Variants in MAP3K5 observed in about 807,000 individuals in gnomAD.
MAP3K5 encodes ASK-1.
A neutral mutation model predicts 158.7 loss-of-function variants in MAP3K5; 56 were observed. The observed-to-expected ratio is 0.35, with a 90% CI of 0.28 to 0.44. The LOEUF (loss-of-function observed/expected upper bound fraction) is 0.44. Among genes scored for constraint, MAP3K5 ranks in the 20% least tolerant of loss-of-function variants. The pLI is 1.00. For synonymous variants in MAP3K5, 579 were observed against 601.7 expected (o/e 0.96, Z 0.55); for missense variants, 1,294 against 1,674.8 (o/e 0.77, Z 3.97).
chr6:136,658,446 C>T (rs1052327795), intron 9 of MAP3K5, among the ~76,000 whole-genome samples: 20 of 151,362 alleles, frequency 1.3e-4, no homozygotes, highest in Non-Finnish European at 2.2e-4. Context: ...TCCCAAGTAG[C>T]TGGGATTACA....
chr6:136,639,389 A>C (rs530085620), intron 13 of MAP3K5, among the ~76,000 whole-genome samples, 154 bp downstream of exon 13: 2 of 152,124 alleles, frequency 1.3e-5, no homozygotes, highest in African/African-American at 2.4e-5. Flanking sequence ...AAATCTGTTA[A>C]ATTTATGATA....
intron 1 of MAP3K5, among the ~76,000 whole-genome samples, chr6:136,765,755 C>A (rs1168895947): frequency 6.7e-6 from 1 of 149,204 alleles, no homozygotes; most frequent in African/African-American, 2.5e-5. Flanking sequence ...GTCTCGAACT[C>A]CTGACCTCAG....
At chr6:136,599,475 ATCTCTCTC>A (rs71737097) in intron 21 of MAP3K5, among the ~76,000 whole-genome samples, 74 of 142,088 alleles carry the variant, frequency 5.2e-4, no homozygotes, top group African/African-American at 1.6e-3. Context: ...CACTTAAAGG[ATCTCTCTC>A]TCTCTCTCTC....
chr6:136,714,905 G>A (rs1341195952), intron 2 of MAP3K5, among the ~76,000 whole-genome samples: 1 of 152,168 alleles, frequency 6.6e-6, no homozygotes, highest in African/African-American at 2.4e-5. Flanking sequence ...CTGAGGCAGA[G>A]TAAGGGTTTC....
chr6:136,644,771 T>C (rs1318288924), intron 11 of MAP3K5, among the ~76,000 whole-genome samples: 1 of 152,200 alleles, frequency 6.6e-6, no homozygotes, highest in East Asian at 1.9e-4. Flanking sequence ...AGCATGGTCA[T>C]GTGATACAAC....
chr6:136,791,439 G>C (rs975534498), intron 1 of MAP3K5, among the ~76,000 whole-genome samples: 3 of 152,098 alleles, frequency 2.0e-5, no homozygotes, highest in Non-Finnish European at 4.4e-5. Flanking sequence ...CTGGAGAACA[G>C]TTCAAGTCGA....
intron 28 of MAP3K5, among the ~76,000 whole-genome samples, chr6:136,561,262 T>C (rs1437270543): frequency 6.6e-6 from 1 of 152,172 alleles, no homozygotes; most frequent in Non-Finnish European, 1.5e-5. Flanking sequence ...AGCTCTTTCA[T>C]TCCCTTCTCC....
chr6:136,712,509 T>C (rs1781350288), intron 2 of MAP3K5, among the ~76,000 whole-genome samples: 1 of 152,208 alleles, frequency 6.6e-6, no homozygotes, highest in African/African-American at 2.4e-5. Context: ...TGTGTTGCTA[T>C]TATAATTAAC....
rs1162894055 is a variant in MAP3K5 at position 136,792,319 on chromosome 6, C to G, written c.-162G>C. 9.7e-7 allele frequency: 1 copy of G among 1,032,952 alleles called. No individual in the cohort carries two copies. Among genetic ancestry groups the G allele is most frequent in the South Asian group, 4.4e-5 (1 of 22,746 alleles). The allele number at this position is 1,032,952 out of a possible 1,614,324, so 64.0% of individuals were successfully genotyped here. A position where few individuals can be genotyped will look rare whatever the true frequency, so the allele number is the denominator to read the frequency against. On this transcript the variant is annotated 5_prime_UTR_variant, in exon 1 of 30. Transcript: ENST00000359015. This position sits in a 1 kb window ranked among gnomAD's most constrained non-coding sequence, Gnocchi z 5.7. ...CGCCTCCTCTCCGGCGCCCTCTCCC[C>G]CGAGGGCACGCCGCTGCCCGGCGGC...
chr6:136,772,128 G>A (rs1315375498), intron 1 of MAP3K5, among the ~76,000 whole-genome samples: 2 of 149,256 alleles, frequency 1.3e-5, no homozygotes, highest in African/African-American at 5.0e-5. Context: ...TGTTGGCCAG[G>A]CTGGTCTCGA....
chr6:136,633,590 T>C (rs895183637), intron 14 of MAP3K5, among the ~76,000 whole-genome samples: 7 of 152,026 alleles, frequency 4.6e-5, no homozygotes, highest in African/African-American at 1.7e-4. Flanking sequence ...TAGATCCAGC[T>C]TGAATCAGAA....
At chr6:136,573,195 A>C (rs1774448569) in intron 25 of MAP3K5, among the ~76,000 whole-genome samples, 1 of 152,246 alleles carries the variant, frequency 6.6e-6, no homozygotes, top group East Asian at 1.9e-4. Context: ...CAGTCCACTG[A>C]GGACCTGAAT....
intron 23 of MAP3K5, 91 bp from the exon 24 acceptor site, chr6:136,583,831 T>C: frequency 8.0e-7 from 1 of 1,252,476 alleles, no homozygotes; most frequent in Non-Finnish European, 1.1e-6. Flanking sequence ...CCCCCACATT[T>C]TTTTTTCTTT....
At chr6:136,667,093 T>C (rs781580220) in intron 8 of MAP3K5, among the ~76,000 whole-genome samples, 2 of 152,218 alleles carry the variant, frequency 1.3e-5, no homozygotes, top group Admixed American at 1.3e-4. Flanking sequence ...ACCATTGTCA[T>C]TGCTTTGCCT....
intron 1 of MAP3K5, among the ~76,000 whole-genome samples, chr6:136,758,198 C>A (rs1194956865): frequency 1.3e-5 from 2 of 152,180 alleles, no homozygotes; most frequent in Non-Finnish European, 2.9e-5. Context: ...TAAGGTTCAA[C>A]AATCTTCATG....
intron 24 of MAP3K5, among the ~76,000 whole-genome samples, chr6:136,581,577 A>AC (rs1409749813): frequency 6.6e-6 from 1 of 152,152 alleles, no homozygotes; most frequent in African/African-American, 2.4e-5. Flanking sequence ...GGAGATGGTG[A>AC]CCCAGCCACA....
chr6:136,665,126 G>A (rs1779171625), intron 8 of MAP3K5, among the ~76,000 whole-genome samples: 1 of 151,900 alleles, frequency 6.6e-6, no homozygotes, highest in South Asian at 2.1e-4. Context: ...AGTTAGCTTT[G>A]GTATCATGTA....
chr6:136,629,372 T>C (rs1031635941), intron 14 of MAP3K5: 2 of 152,190 alleles, frequency 1.3e-5, no homozygotes, highest in African/African-American at 4.8e-5. Context: ...TAATAACTAC[T>C]AATAACATTA....
intron 13 of MAP3K5, among the ~76,000 whole-genome samples, chr6:136,638,152 T>A (rs942263402): frequency 8.5e-5 from 13 of 152,272 alleles, no homozygotes; most frequent in African/African-American, 3.1e-4. Flanking sequence ...CAGTTTGCGC[T>A]ATTAAATAGC....
Sources: allele counts gnomAD v4.1 joint callset (sites outside exome capture counted in the v4.1 genomes callset), GRCh38; gene constraint gnomAD v4.1.1; non-coding constraint Gnocchi (gnomAD v3.1); transcripts MANE v1.5; gene names NCBI Gene and HGNC (gene_info 2026-07-23, HGNC 2026-07-21).